The following APBA1 variants were observed in gnomAD, a reference collection of about 807,000 sequenced individuals.
The protein encoded by APBA1 is amyloid-beta A4 precursor protein-binding family A member 1.
Under a neutral mutation model 86.6 loss-of-function variants are expected in APBA1, and 55 were observed. That is an observed-to-expected ratio of 0.64 (90% CI 0.51 to 0.80). The LOEUF (loss-of-function observed/expected upper bound fraction) is 0.80. APBA1 is among the 30% of genes least tolerant of loss of function. APBA1 has a pLI of 0.00. For missense variants in APBA1, 1,090 were observed against 1,183.0 expected, an observed-to-expected ratio of 0.92 and a Z score of 1.15; for synonymous variants, 511 against 493.9, an observed-to-expected ratio of 1.03 and a Z score of -0.46.
Position 69,516,680 on chromosome 9 carries a change from G to T in APBA1, c.531C>A (p.Arg177=). 6.2e-7 allele frequency: 1 copy of T among 1,610,124 alleles called. No individual in the cohort carries two copies. The highest frequency in any genetic ancestry group is 8.5e-7 in the Non-Finnish European group (1 of 1,179,008). The change falls in exon 2 of 13, where the codon CGC becomes CGA. Residue 177 remains arginine (R), a synonymous_variant. Transcript: ENST00000265381. This position sits in a 1 kb window ranked among gnomAD's most constrained non-coding sequence, Gnocchi z 7.3. ...GCTCGGAGTAGGGCTCGTCCTCACC[G>T]CGGTGGAAGAGCCGGTGCGTGTAGA... The part of the protein sequence containing the change: ...GYVYTHRLFH[R]GEDEPYSEPY...
chr9:69,602,293 G>A (rs779929556), intron 1 of APBA1, among the ~76,000 whole-genome samples: 33 of 152,086 alleles, frequency 2.2e-4, no homozygotes, highest in Non-Finnish European at 3.7e-4. Flanking sequence ...CATACCTGGC[G>A]GGGCGCGGTT....
intron 2 of APBA1, among the ~76,000 whole-genome samples, chr9:69,505,025 G>A (rs1483112620): frequency 2.6e-5 from 4 of 151,884 alleles, no homozygotes; most frequent in African/African-American, 4.8e-5. Flanking sequence ...GGCGTCTACC[G>A]CACACATCCT....
chr9:69,543,523 A>G (rs1836652080), intron 1 of APBA1, among the ~76,000 whole-genome samples: 1 of 152,150 alleles, frequency 6.6e-6, no homozygotes, highest in South Asian at 2.1e-4. Flanking sequence ...TGACATACCA[A>G]GTGCACAGGC....
intron 1 of APBA1, among the ~76,000 whole-genome samples, chr9:69,584,909 G>A (rs1821989043): frequency 6.6e-6 from 1 of 152,162 alleles, no homozygotes; most frequent in East Asian, 1.9e-4. Flanking sequence ...GAAAACTTCT[G>A]ATTACTTAGC....
intron 11 of APBA1, among the ~76,000 whole-genome samples, chr9:69,439,364 G>C (rs1834765254): frequency 6.6e-6 from 1 of 151,148 alleles, no homozygotes; most frequent in Admixed American, 6.6e-5. Context: ...ATAATATCCT[G>C]CAGAGTGTTT....
intron 1 of APBA1, among the ~76,000 whole-genome samples, chr9:69,603,574 A>C (rs541534386): frequency 6.6e-6 from 1 of 152,274 alleles, no homozygotes; most frequent in South Asian, 2.1e-4. Flanking sequence ...ATATCTTTAT[A>C]CATAAATACT....
At chr9:69,626,654 T>C (rs565233142) in intron 1 of APBA1, among the ~76,000 whole-genome samples, 1 of 152,306 alleles carries the variant, frequency 6.6e-6, no homozygotes, top group South Asian at 2.1e-4. Context: ...CCTGGCACTT[T>C]TGTCCATTTA....
intron 1 of APBA1, among the ~76,000 whole-genome samples, chr9:69,636,935 G>GAA (rs1435250657): frequency 1.3e-4 from 18 of 141,030 alleles, no homozygotes; most frequent in African/African-American, 4.5e-4. Flanking sequence ...AAGAAAGAAA[G>GAA]AAAGAAAGAA....
chr9:69,657,610 A>G (rs1823637380), intron 1 of APBA1, among the ~76,000 whole-genome samples: 1 of 152,214 alleles, frequency 6.6e-6, no homozygotes, highest in African/African-American at 2.4e-5. Context: ...CTAACATAGC[A>G]CTTTGCTAGA....
chr9:69,569,720 T>C (rs1837085280), intron 1 of APBA1, among the ~76,000 whole-genome samples: 1 of 152,188 alleles, frequency 6.6e-6, no homozygotes, highest in South Asian at 2.1e-4. Context: ...ATTCTTCTTG[T>C]GAAATAAACT....
chr9:69,669,128 G>A (rs1038268907), intron 1 of APBA1, among the ~76,000 whole-genome samples: 1 of 152,188 alleles, frequency 6.6e-6, no homozygotes, highest in East Asian at 1.9e-4. Context: ...CAGTGGATCT[G>A]AGATGCGGGA....
chr9:69,658,273 T>TC (rs1491155180), intron 1 of APBA1, among the ~76,000 whole-genome samples: 952 of 55,930 alleles, frequency 0.017, 29 homozygotes, highest in Middle Eastern at 0.043. Flanking sequence ...TCTTTCTTTC[T>TC]TTCTTTCTTT....
chr9:69,460,295 G>A (rs113195819), intron 5 of APBA1, among the ~76,000 whole-genome samples: 3 of 152,210 alleles, frequency 2.0e-5, no homozygotes, highest in African/African-American at 7.2e-5. Context: ...AAGTTTGAAG[G>A]TAGCAACTCT....
chr9:69,469,598 G>T (rs1236961683), intron 4 of APBA1, among the ~76,000 whole-genome samples: 1 of 152,168 alleles, frequency 6.6e-6, no homozygotes, highest in Non-Finnish European at 1.5e-5. Flanking sequence ...CTCCACACCA[G>T]TAATTCACAC....
At chr9:69,632,746 A>G (rs1823073521) in intron 1 of APBA1, among the ~76,000 whole-genome samples, 1 of 152,200 alleles carries the variant, frequency 6.6e-6, no homozygotes, top group African/African-American at 2.4e-5. Context: ...ATTTTGCTGT[A>G]TAGAACAATC....
At chr9:69,565,454 G>C (rs533536064) in intron 1 of APBA1, among the ~76,000 whole-genome samples, 1 of 152,172 alleles carries the variant, frequency 6.6e-6, no homozygotes, top group African/African-American at 2.4e-5. Flanking sequence ...CTACGCACCA[G>C]TGCTCCCGAC....
intron 8 of APBA1, among the ~76,000 whole-genome samples, chr9:69,454,399 G>A (rs190831927): frequency 5.9e-4 from 90 of 152,306 alleles, no homozygotes; most frequent in African/African-American, 2.1e-3. Context: ...GAATACACTG[G>A]CTACTGAGAT....
intron 2 of APBA1, among the ~76,000 whole-genome samples, chr9:69,511,499 G>A (rs1156399717): frequency 2.0e-5 from 3 of 151,988 alleles, no homozygotes; most frequent in Admixed American, 6.5e-5. Flanking sequence ...TTCAACCATT[G>A]TGGAAGTCAG....
intron 1 of APBA1, among the ~76,000 whole-genome samples, chr9:69,634,366 C>A (rs1347993548): frequency 6.6e-6 from 1 of 152,176 alleles, no homozygotes; most frequent in Non-Finnish European, 1.5e-5. Flanking sequence ...AGGGGAATTG[C>A]CCATTCTGGT....
Sources: gnomAD v4.1 joint callset for allele counts (sites outside exome capture counted in the v4.1 genomes callset) on GRCh38, gnomAD v4.1.1 for gene constraint, Gnocchi (gnomAD v3.1) non-coding constraint, MANE v1.5 for transcripts, NCBI Gene and HGNC (gene_info 2026-07-23, HGNC 2026-07-21) for gene names.